Variants in UBE2E2 observed in about 807,000 individuals in gnomAD.
UBE2E2 encodes ubiquitin-conjugating enzyme E2 E2.
UBE2E2 carries 6 observed loss-of-function variants against 24.7 expected under a neutral mutation model. The ratio of observed to expected loss-of-function variants is 0.24; its 90% CI spans 0.13 to 0.48. The LOEUF (loss-of-function observed/expected upper bound fraction) is 0.48. Among genes scored for constraint, UBE2E2 ranks in the 20% least tolerant of loss-of-function variants. The probability of loss-of-function intolerance (pLI) is 0.99; values close to 1 mark genes in which losing one functional copy is unlikely to be tolerated. For synonymous variants in UBE2E2, 104 were observed against 83.6 expected (o/e 1.24, Z -1.33); for missense variants, 169 against 245.0 (o/e 0.69, Z 2.07).
At chr3:23,350,488 A>G (rs1159659671) in intron 3 of UBE2E2, among the ~76,000 whole-genome samples, 1 of 152,182 alleles carries the variant, frequency 6.6e-6, no homozygotes, top group African/African-American at 2.4e-5. Flanking sequence ...AAAACTTTGA[A>G]AAAAATTTAG....
chr3:23,509,894 A>G (rs1246208143), intron 4 of UBE2E2, among the ~76,000 whole-genome samples: 1 of 152,030 alleles, frequency 6.6e-6, no homozygotes, highest in Non-Finnish European at 1.5e-5. Flanking sequence ...ATGTCCCTAC[A>G]AAGGACATGA....
At chr3:23,354,184 A>G (rs879324458) in intron 3 of UBE2E2, among the ~76,000 whole-genome samples, 6,849 of 152,138 alleles carry the variant, frequency 0.045, 532 homozygotes, top group African/African-American at 0.15. Context: ...GGCTAGCCAT[A>G]TGTAGAAAGC....
intron 3 of UBE2E2, among the ~76,000 whole-genome samples, chr3:23,454,288 A>G (rs1403052997): frequency 6.6e-6 from 1 of 152,230 alleles, no homozygotes; most frequent in African/African-American, 2.4e-5. Flanking sequence ...CTTACAGTAG[A>G]AAATCTACTT....
chr3:23,450,015 C>G, intron 3 of UBE2E2: 1 of 790,542 alleles, frequency 1.3e-6, no homozygotes. Flanking sequence ...CTTTGAGGAC[C>G]TCAGCAATTT....
chr3:23,330,557 G>A (rs1034485399), intron 3 of UBE2E2, among the ~76,000 whole-genome samples: 6 of 152,078 alleles, frequency 3.9e-5, no homozygotes, highest in Admixed American at 1.3e-4. Context: ...GAATGATTTG[G>A]GTGTCCCCTA....
intron 5 of UBE2E2, among the ~76,000 whole-genome samples, chr3:23,588,334 G>A (rs1431984513): frequency 3.3e-5 from 5 of 151,880 alleles, no homozygotes; most frequent in Non-Finnish European, 7.4e-5. Context: ...GGAGGGAAAA[G>A]AGTAGAATCT....
chr3:23,489,489 G>C (rs1699451093), intron 3 of UBE2E2, among the ~76,000 whole-genome samples: 1 of 152,138 alleles, frequency 6.6e-6, no homozygotes, highest in Non-Finnish European at 1.5e-5. Context: ...ACATTAGCAT[G>C]CAAGATGTCA....
At chr3:23,307,010 ATAT>A (rs1400967651) in intron 3 of UBE2E2, among the ~76,000 whole-genome samples, 6 of 152,190 alleles carry the variant, frequency 3.9e-5, no homozygotes. Flanking sequence ...TAATTTAAAG[ATAT>A]TATAGACTTT....
chr3:23,451,826 C>T lies in UBE2E2; in HGVS notation c.228-47782C>T, dbSNP rs544652337. Among the ~76,000 whole-genome samples, 18 of 151,892 alleles carry T rather than the reference C, an allele frequency of 1.2e-4. No individual in the cohort carries two copies. In the South Asian group the frequency reaches 3.8e-3, roughly 32 times the overall value. On this transcript the variant is annotated intron_variant, in intron 3 of 5. Transcript: ENST00000396703. ...GTTTTAAAAAATATATTTATGCTTC[C>T]CTAAGATAGTGGCCAAGTTTGAAAA...
intron 3 of UBE2E2, among the ~76,000 whole-genome samples, chr3:23,261,451 AT>A (rs953098426): frequency 6.6e-6 from 1 of 151,930 alleles, no homozygotes; most frequent in South Asian, 2.1e-4. Context: ...GTAGTTACCA[AT>A]TTTTTTTATG....
At chr3:23,582,610 G>C (rs1397894742) in intron 5 of UBE2E2, among the ~76,000 whole-genome samples, 1 of 152,140 alleles carries the variant, frequency 6.6e-6, no homozygotes. Context: ...ACTGGTATGT[G>C]ATGATATCTC....
chr3:23,588,410 G>GTTTTTTTTTTTTTTTTT (rs199679364), intron 5 of UBE2E2, among the ~76,000 whole-genome samples: 12 of 130,048 alleles, frequency 9.2e-5, no homozygotes, highest in South Asian at 2.3e-4. Flanking sequence ...TTGTTTTTTT[G>GTTTTTTTTTTTTTTTTT]TTTTTTTTTT....
intron 3 of UBE2E2, among the ~76,000 whole-genome samples, chr3:23,484,715 C>G (rs1699324009): frequency 6.6e-6 from 1 of 152,134 alleles, no homozygotes; most frequent in Non-Finnish European, 1.5e-5. Context: ...CTGGGAAGGC[C>G]TCACAATCAT....
Position 23,411,271 on chromosome 3 carries a change from T to A in UBE2E2, c.228-88337T>A, listed in dbSNP as rs77868502. 8.2e-3 allele frequency among the ~76,000 whole-genome samples: 1,248 copies of A among 152,276 alleles called. 8 individuals carry two copies. The highest frequency in any genetic ancestry group is 0.017 in the Middle Eastern group (5 of 294). On this transcript the variant is annotated intron_variant, in intron 3 of 5. Transcript: ENST00000396703. ...AGTCAGAAGCAGTTTGGCTGATGATTGGGAGTCACTTGCGGTTGGGAAGAT... is the reference window on the plus strand; with the variant it reads ...AGTCAGAAGCAGTTTGGCTGATGATAGGGAGTCACTTGCGGTTGGGAAGAT...
At chr3:23,364,589 A>G (rs1696207371) in intron 3 of UBE2E2, among the ~76,000 whole-genome samples, 1 of 152,182 alleles carries the variant, frequency 6.6e-6, no homozygotes, top group South Asian at 2.1e-4. Flanking sequence ...AGTTGAATCC[A>G]TGAACAGACA....
chr3:23,349,685 G>A (rs1347737980), intron 3 of UBE2E2, among the ~76,000 whole-genome samples: 1 of 152,242 alleles, frequency 6.6e-6, no homozygotes, highest in Admixed American at 6.5e-5. Context: ...TAGGGGAGGG[G>A]CGCCCGCCAT....
intron 3 of UBE2E2, among the ~76,000 whole-genome samples, chr3:23,387,288 T>C (rs962194362): frequency 1.1e-4 from 16 of 152,312 alleles, no homozygotes; most frequent in African/African-American, 3.8e-4. Flanking sequence ...AAGTACTATT[T>C]CTTTCTTTGT....
rs5847239 is a variant in UBE2E2 at position 23,556,454 on chromosome 3, T to TAAAAAAAAAAAAAAAAAAAAAAAAA, written c.508+23771_508+23772insAAAAAAAAAAAAAAAAAAAAAAAAA. Among the ~76,000 whole-genome samples the TAAAAAAAAAAAAAAAAAAAAAAAAA allele has an allele frequency of 4.1e-4, 39 of 94,304 alleles. 1 individual carries two copies. Among genetic ancestry groups the TAAAAAAAAAAAAAAAAAAAAAAAAA allele is most frequent in the African/African-American group, 1.0e-3 (23 of 22,186 alleles). 61.9% of individuals were successfully genotyped at this position (94,304 alleles called of 152,430 possible). A position where few individuals can be genotyped will look rare whatever the true frequency, so the allele number is the denominator to read the frequency against. On this transcript the variant is annotated intron_variant, in intron 5 of 5. Transcript: ENST00000396703. Reference sequence around the variant, plus strand: ...CCATGCCCAGCCAATAAAATTTATTTAAAAAAAAAAAAAAAAAAGCTATAC... The same window carrying TAAAAAAAAAAAAAAAAAAAAAAAAA: ...CCATGCCCAGCCAATAAAATTTATTTAAAAAAAAAAAAAAAAAAAAAAAAAAAAAAAAAAAAAAAAAAAGCTATAC...
At chr3:23,548,323 G>A (rs1695569190) in intron 5 of UBE2E2, among the ~76,000 whole-genome samples, 1 of 152,038 alleles carries the variant, frequency 6.6e-6, no homozygotes, top group Admixed American at 6.6e-5. Flanking sequence ...TATCAGCCCA[G>A]GGACTCTGTT....
Sources: allele counts gnomAD v4.1 joint callset (sites outside exome capture counted in the v4.1 genomes callset), GRCh38; gene constraint gnomAD v4.1.1; transcripts MANE v1.5; gene names NCBI Gene and HGNC (gene_info 2026-07-23, HGNC 2026-07-21).